CNTNAP2: variants seen among roughly 807,000 people sequenced by gnomAD.
CNTNAP2 encodes contactin associated protein 2, also known as contactin-associated protein-like 2.
In CNTNAP2, 98 loss-of-function variants were observed where a neutral mutation model predicts 155.2. The observed-to-expected ratio is 0.63, with a 90% confidence interval of 0.54 to 0.75. The LOEUF is 0.75. Among genes scored for constraint, CNTNAP2 ranks in the 30% least tolerant of loss-of-function variants. The pLI is 0.00. For missense variants in CNTNAP2, 1,727 were observed against 1,688.1 expected (o/e 1.02, Z -0.40); for synonymous variants, 651 against 631.2 (o/e 1.03, Z -0.47).
chr7:148,284,926 T>C (rs1321891649), intron 21 of CNTNAP2, among the ~76,000 whole-genome samples: 2 of 152,354 alleles, frequency 1.3e-5, no homozygotes, highest in East Asian at 3.9e-4. Context: ...TGAATGTTCC[T>C]CCGGCACTAA....
At chr7:146,592,126 GA>G (rs1452324395) in intron 1 of CNTNAP2, among the ~76,000 whole-genome samples, 5 of 152,258 alleles carry the variant, frequency 3.3e-5, no homozygotes, top group East Asian at 1.9e-4. Flanking sequence ...AACCTGGATG[GA>G]AAAAACAAAG....
chr7:146,960,385 T>G (rs576049678), intron 3 of CNTNAP2, among the ~76,000 whole-genome samples: 1 of 152,334 alleles, frequency 6.6e-6, no homozygotes, highest in South Asian at 2.1e-4. Context: ...CAGTTAGGAA[T>G]TGGACAATCG....
chr7:147,739,212 G>A (rs1796913703), intron 13 of CNTNAP2, among the ~76,000 whole-genome samples: 1 of 150,246 alleles, frequency 6.7e-6, no homozygotes, highest in South Asian at 2.1e-4. Flanking sequence ...TTGTGATAGT[G>A]AAATAAGAAA....
At chr7:146,754,172 A>G (rs999502639) in intron 1 of CNTNAP2, among the ~76,000 whole-genome samples, 11 of 152,022 alleles carry the variant, frequency 7.2e-5, no homozygotes, top group African/African-American at 2.7e-4. Context: ...TGAAAGTTGC[A>G]TTCAGACTCT....
intron 10 of CNTNAP2, among the ~76,000 whole-genome samples, chr7:147,444,655 G>C (rs1045107159): frequency 2.6e-5 from 4 of 151,098 alleles, no homozygotes; most frequent in Non-Finnish European, 5.9e-5. Flanking sequence ...ATAGATTATT[G>C]ACAATAAATA....
chr7:148,239,268 G>A (rs752890449), intron 20 of CNTNAP2, among the ~76,000 whole-genome samples: 3 of 152,186 alleles, frequency 2.0e-5, no homozygotes, highest in Non-Finnish European at 2.9e-5. Context: ...CTTAGCAAGT[G>A]TATTAGCACT....
chr7:148,186,351 G>A (rs926925415), intron 18 of CNTNAP2, among the ~76,000 whole-genome samples: 2 of 152,162 alleles, frequency 1.3e-5, no homozygotes, highest in African/African-American at 4.8e-5. Context: ...ACTTCTAGAG[G>A]TTAAGTTTAT....
intron 1 of CNTNAP2, among the ~76,000 whole-genome samples, chr7:146,214,436 A>G (rs1227909435): frequency 6.6e-6 from 1 of 152,212 alleles, no homozygotes; most frequent in African/African-American, 2.4e-5. Context: ...CAGAAGGGAA[A>G]ATCCACGTTC....
intron 3 of CNTNAP2, among the ~76,000 whole-genome samples, chr7:146,993,060 C>A (rs946035074): frequency 6.6e-6 from 1 of 152,130 alleles, no homozygotes; most frequent in African/African-American, 2.4e-5. Context: ...ACCAAGGAGG[C>A]AGAACGCAGG....
intron 13 of CNTNAP2, among the ~76,000 whole-genome samples, chr7:147,681,684 C>T (rs1795949344): frequency 6.6e-6 from 1 of 151,958 alleles, no homozygotes; most frequent in Admixed American, 6.6e-5. Context: ...CAGAAAGTTA[C>T]TCATATATCT....
At chr7:146,526,743 G>A (rs1227306543) in intron 1 of CNTNAP2, among the ~76,000 whole-genome samples, 1 of 152,148 alleles carries the variant, frequency 6.6e-6, no homozygotes, top group Non-Finnish European at 1.5e-5. Flanking sequence ...ATAGAAGACA[G>A]TGTAGGCTGA....
chr7:148,331,211 T>G (rs1797998543), intron 21 of CNTNAP2, among the ~76,000 whole-genome samples: 1 of 123,326 alleles, frequency 8.1e-6, no homozygotes, highest in African/African-American at 3.3e-5. Context: ...AGTGGATGGA[T>G]GGAATGGATG....
intron 15 of CNTNAP2, among the ~76,000 whole-genome samples, chr7:148,018,528 G>A (rs911986485): frequency 3.9e-5 from 6 of 152,218 alleles, no homozygotes; most frequent in Admixed American, 2.0e-4. Flanking sequence ...ATGAAACAAG[G>A]AATAAAATGG....
chr7:146,348,346 A>T (rs1364301135), intron 1 of CNTNAP2, among the ~76,000 whole-genome samples: 1 of 152,136 alleles, frequency 6.6e-6, no homozygotes, highest in Non-Finnish European at 1.5e-5. Flanking sequence ...AATCGCTTGA[A>T]CCTGGGAAGT....
intron 8 of CNTNAP2, among the ~76,000 whole-genome samples, chr7:147,223,228 G>A (rs1202105279): frequency 3.3e-5 from 5 of 152,136 alleles, no homozygotes; most frequent in Admixed American, 6.5e-5. Flanking sequence ...AAGGTTCATG[G>A]CATTCTAGTT....
chr7:146,642,492 C>A (rs1799728734), intron 1 of CNTNAP2, among the ~76,000 whole-genome samples: 2 of 151,858 alleles, frequency 1.3e-5, no homozygotes, highest in African/African-American at 4.8e-5. Flanking sequence ...ATGAACTCAT[C>A]ATTTCTTATG....
chr7:147,814,459 C>T (rs535892837), intron 13 of CNTNAP2, among the ~76,000 whole-genome samples: 1 of 152,222 alleles, frequency 6.6e-6, no homozygotes, highest in African/African-American at 2.4e-5. Context: ...ATTTTTTCCA[C>T]AGAAGATGAA....
At chr7:147,781,901 T>C (rs556986383) in intron 13 of CNTNAP2, among the ~76,000 whole-genome samples, 2 of 152,062 alleles carry the variant, frequency 1.3e-5, no homozygotes, top group South Asian at 2.1e-4. Flanking sequence ...CGGGCGCCTG[T>C]AGTCCCAGCT....
At chr7:148,368,778 G>A (rs959414248) in intron 21 of CNTNAP2, among the ~76,000 whole-genome samples, 2 of 152,182 alleles carry the variant, frequency 1.3e-5, no homozygotes, top group African/African-American at 4.8e-5. Flanking sequence ...CAAGCAGGGG[G>A]TATGTGACAG....
Sources: gnomAD v4.1 joint callset for allele counts (sites outside exome capture counted in the v4.1 genomes callset) on GRCh38, gnomAD v4.1.1 for gene constraint, MANE v1.5 for transcripts, NCBI Gene and HGNC (gene_info 2026-07-23, HGNC 2026-07-21) for gene names.